The following SF1 variants were observed in gnomAD, a reference collection of about 807,000 sequenced individuals.
The protein encoded by SF1 is branch point-binding protein.
In SF1, 7 loss-of-function variants were observed where a neutral mutation model predicts 62.5. The ratio of observed to expected loss-of-function variants is 0.11; its 90% confidence interval spans 0.06 to 0.21. SF1 has a LOEUF of 0.21. SF1 is among the 10% of genes least tolerant of loss of function. SF1 has a pLI of 1.00. For synonymous variants in SF1, 394 were observed against 323.6 expected, an observed-to-expected ratio of 1.22 and a Z score of -2.33; for missense variants, 578 against 884.0, an observed-to-expected ratio of 0.65 and a Z score of 4.39.
At chr11:64,778,200 A>G in intron 1 of SF1, 162 bp downstream of exon 1, 4 of 1,071,138 alleles carry the variant, frequency 3.7e-6, no homozygotes, top group Non-Finnish European at 3.5e-6. Context: ...AGCGCCGCGA[A>G]GGGGAAGGCC....
chr11:64,766,813 A>C (rs1160113384), intron 12 of SF1, 87 bp downstream of exon 12: 18 of 1,137,220 alleles, frequency 1.6e-5, no homozygotes, highest in Middle Eastern at 3.1e-4. Flanking sequence ...ATCCCAAGAC[A>C]CCTGCCTGCT....
chr11:64,766,480 C>A, intron 12 of SF1: 1 of 471,958 alleles, frequency 2.1e-6, no homozygotes, highest in Non-Finnish European at 3.8e-6. Flanking sequence ...CACATTCAAC[C>A]TCAAGGCCAC....
intron 8 of SF1, 27 bp downstream of exon 8, chr11:64,768,995 A>G (rs761659950): frequency 1.3e-6 from 2 of 1,513,350 alleles, no homozygotes; most frequent in South Asian, 2.2e-5. Context: ...GCAGGCTACC[A>G]GGAAACCGCA....
At chr11:64,776,128 T>C (rs1419391454) in intron 2 of SF1, 1 of 175,682 alleles carries the variant, frequency 5.7e-6, no homozygotes, top group African/African-American at 2.4e-5. Context: ...CTGTGAAAAG[T>C]ACTTGGTTTA....
chr11:64,770,358 G>A lies in SF1; in HGVS notation c.287C>T (p.Thr96Ile), dbSNP rs1938117351. Residue 96 changes from threonine (T) to isoleucine (I), a missense_variant, in exon 4 of 13, where the codon ACC becomes ATC. Coordinates refer to ENST00000377390, the MANE Select transcript of SF1 (RefSeq NM_004630.4). ...IYNSEGKRLN[T>I]REFRTRKKLE... ...CTTTTTGCGGGTGCGGAACTCTCGG[G>A]TGTTAAGCCGCTTCCCCTCGCTATT... 6.2e-7 allele frequency: 1 copy of A among 1,614,008 alleles called. No individual in the cohort carries two copies. The highest frequency in any genetic ancestry group is 8.5e-7 in the Non-Finnish European group (1 of 1,180,030).
At position 64,767,772 on chromosome 11, in the gene SF1, C is replaced by T. The variant is rs150716411; in HGVS notation, c.1141G>A (p.Gly381Ser). Reference sequence around the variant, plus strand: ...CCACCAGGACCACCTCCATGCATGCCGTGGTAGGGCCGACTCTCTGAAGGG... The same window carrying T: ...CCACCAGGACCACCTCCATGCATGCTGTGGTAGGGCCGACTCTCTGAAGGG... Reference protein sequence around the residue: ...SGPSESRPYHGMHGGGPGGPG... With the variant: ...SGPSESRPYHSMHGGGPGGPG... Residue 381 changes from glycine (G) to serine (S), a missense_variant, in exon 10 of 13, where the codon GGC becomes AGC. Physicochemically the swap from Gly to Ser is moderately conservative, Grantham distance 56 (BLOSUM62 0). This residue lies in a region of SF1 where 410 missense variants were observed against 452.4 expected (regional missense o/e 0.91). Transcript: ENST00000377390. 3.3e-5 allele frequency: 53 copies of T among 1,613,610 alleles called. No individual in the cohort carries two copies. The African/African-American group carries it at 6.5e-4, about 20-fold the overall frequency.
chr11:64,777,780 G>GGCCCCCCCCCCCC, intron 1 of SF1: 1 of 445,452 alleles, frequency 2.2e-6, no homozygotes, highest in East Asian at 1.8e-4. Context: ...AGCGCCTCCC[G>GGCCCCCCCCCCCC]CCCGCCCAGC....
rs1939250967 is a variant in SF1, at chr11:64,776,420, CTT to C, written c.160+76_160+77del. 3 of 1,483,792 alleles carry C rather than the reference CTT, an allele frequency of 2.0e-6. No individual in the cohort carries two copies. In the South Asian group the frequency reaches 3.5e-5, roughly 18 times the overall value. The allele number at this position is 1,483,792 out of a possible 1,614,324, so 91.9% of individuals were successfully genotyped here. On this transcript the variant is annotated intron_variant, in intron 2 of 12. Coordinates refer to ENST00000377390, the MANE Select transcript of SF1 (RefSeq NM_004630.4). ...CAAAAAAGATAACTACAATCTCAAA[CTT>C]TCAAAAAATGCAGATCTTGCTCAGA...
At chr11:64,766,568 C>G in intron 12 of SF1, 1 of 418,378 alleles carries the variant, frequency 2.4e-6, no homozygotes, top group East Asian at 4.2e-5. Flanking sequence ...AGCAAGCATG[C>G]ACCATCCCAC....
intron 9 of SF1, 71 bp from the exon 10 acceptor site, chr11:64,767,915 G>T: frequency 6.4e-7 from 1 of 1,567,796 alleles, no homozygotes. Flanking sequence ...TTCGGGTTAT[G>T]ACACAGGACC....
chr11:64,765,893 C>T lies in SF1; in HGVS notation c.1845G>A (p.Met615Ile). The T allele has an allele frequency of 1.3e-6, 2 of 1,564,632 alleles. No homozygotes were observed. Among genetic ancestry groups the T allele is most frequent in the Non-Finnish European group, 1.7e-6 (2 of 1,155,208 alleles). ...PPMDPSNFVT[M>I]MGMGVAGMPP... Reference sequence around the variant, plus strand: ...GCATGCCCGCCACCCCCATGCCCATCATGGTGACAAAGTTAGAAGGGTCCA... The same window carrying T: ...GCATGCCCGCCACCCCCATGCCCATTATGGTGACAAAGTTAGAAGGGTCCA... The change falls in exon 13 of 13, where the codon ATG (methionine) becomes ATA (isoleucine). Residue 615 changes from methionine (M) to isoleucine (I), a missense_variant. Coordinates refer to ENST00000377390, the MANE Select transcript of SF1 (RefSeq NM_004630.4).
At chr11:64,767,933 A>G (rs1937621935) in intron 9 of SF1, 89 bp from the exon 10 acceptor site, 2 of 1,527,954 alleles carry the variant, frequency 1.3e-6, no homozygotes, top group Middle Eastern at 3.4e-4. Context: ...ACCAGAACAC[A>G]AGAACAAGGT....
chr11:64,777,463 A>C, intron 1 of SF1: 3 of 982,146 alleles, frequency 3.1e-6, no homozygotes, highest in Non-Finnish European at 3.6e-6. Flanking sequence ...GAGACCAAGA[A>C]AGATCAGACC....
chr11:64,776,256 C>T (rs1939224968), intron 2 of SF1: 1 of 444,448 alleles, frequency 2.2e-6, no homozygotes, highest in Non-Finnish European at 4.1e-6. Flanking sequence ...ACTGTTCTTA[C>T]TCCTAAGTGA....
At chr11:64,773,150 G>C in intron 3 of SF1, 1 of 1,254,392 alleles carries the variant, frequency 8.0e-7, no homozygotes, top group Non-Finnish European at 1.0e-6. Context: ...GTCCCCTAAG[G>C]GTGGGTAAAT....
intron 2 of SF1, among the ~76,000 whole-genome samples, chr11:64,774,034 TAAGAC>T (rs1459486599): frequency 6.6e-6 from 1 of 152,208 alleles, no homozygotes; most frequent in African/African-American, 2.4e-5. Context: ...ATTCCTTAAA[TAAGAC>T]ATTTAATAAC....
intron 3 of SF1, chr11:64,771,501 G>A (rs1245632420): frequency 1.0e-6 from 1 of 985,274 alleles, no homozygotes; most frequent in Non-Finnish European, 1.2e-6. Flanking sequence ...TAGTTGGAGA[G>A]CAAGGACTGA....
At position 64,769,951 on chromosome 11, in the gene SF1, A is replaced by T. The variant is rs1227725362; in HGVS notation, c.479+13T>A. The T allele has an allele frequency of 6.3e-7, 1 of 1,595,278 alleles. No individual in the cohort carries two copies. The highest frequency in any genetic ancestry group is 1.7e-5 in the Admixed American group (1 of 59,960). On this transcript the variant is annotated intron_variant, in intron 5 of 12. Transcript: ENST00000377390. ...AAAGGAATTCTATATCCTATAGACC[A>T]GCAGTTACTCACCTGGGCCCGATGA...
intron 5 of SF1, 127 bp from the exon 6 acceptor site, chr11:64,769,736 T>C (rs1438216261): frequency 1.1e-6 from 1 of 894,312 alleles, no homozygotes; most frequent in African/African-American, 1.7e-5. Flanking sequence ...CACCAAGAGC[T>C]CCATGAACTC....
Sources: gnomAD v4.1 joint callset for allele counts (sites outside exome capture counted in the v4.1 genomes callset) on GRCh38, gnomAD v4.1.1 for gene constraint, gnomAD v4.1.1 regional missense constraint, MANE v1.5 for transcripts, NCBI Gene and HGNC (gene_info 2026-07-23, HGNC 2026-07-21) for gene names.